Variants in ARHGAP26 observed in about 807,000 individuals in gnomAD.
ARHGAP26 encodes the protein Rho GTPase activating protein 26.
In ARHGAP26, 38 loss-of-function variants were observed where a neutral mutation model predicts 104.8. The ratio of observed to expected loss-of-function variants is 0.36; its 90% CI spans 0.28 to 0.48. The LOEUF is 0.48. Among genes scored for constraint, ARHGAP26 ranks in the 20% least tolerant of loss-of-function variants. ARHGAP26 has a pLI of 0.99. For synonymous variants in ARHGAP26, 341 were observed against 340.0 expected, an observed-to-expected ratio of 1.00 and a Z score of -0.03; for missense variants, 704 against 947.9, an observed-to-expected ratio of 0.74 and a Z score of 3.38.
intron 20 of ARHGAP26, among the ~76,000 whole-genome samples, chr5:143,186,857 C>T (rs888924845): frequency 1.3e-5 from 2 of 152,164 alleles, no homozygotes; most frequent in African/African-American, 2.4e-5. Context: ...CTTTTTCTCT[C>T]TTTCCATTTG....
At chr5:143,130,567 G>A (rs1797210304) in intron 18 of ARHGAP26, among the ~76,000 whole-genome samples, 1 of 152,172 alleles carries the variant, frequency 6.6e-6, no homozygotes, top group Non-Finnish European at 1.5e-5. Flanking sequence ...TTTGCACAGT[G>A]ATTCTTCTCT....
chr5:143,053,252 A>G (rs114607566), intron 14 of ARHGAP26, among the ~76,000 whole-genome samples: 6 of 152,162 alleles, frequency 3.9e-5, no homozygotes, highest in African/African-American at 1.4e-4. Context: ...CTGAGTCCAG[A>G]GAGTTGATAT....
In ARHGAP26 at chr5:142,828,047, G is replaced by A. The variant is rs554982304; in HGVS notation, c.155-45353G>A. Among the ~76,000 whole-genome samples the A allele has an allele frequency of 5.6e-4, 85 of 152,238 alleles. 2 individuals are homozygous for A. The highest frequency in any genetic ancestry group is 1.8e-3 in the African/African-American group (75 of 41,520). On this transcript the variant is annotated intron_variant, in intron 1 of 22. Transcript: ENST00000645722. The stretch of plus-strand genomic sequence containing the variant: ...GATGGTTCATTCTGGGAATAGTTAC[G>A]CACGCTATTCAGAGGGAATGGATGC...
intron 1 of ARHGAP26, among the ~76,000 whole-genome samples, chr5:142,850,535 T>C (rs531508060): frequency 3.9e-5 from 6 of 152,258 alleles, no homozygotes; most frequent in Non-Finnish European, 8.8e-5. Context: ...TATACTTGCA[T>C]ACAAACTTTC....
intron 11 of ARHGAP26, among the ~76,000 whole-genome samples, chr5:142,948,288 GTCTC>G (rs1038976301): frequency 6.6e-6 from 1 of 152,032 alleles, no homozygotes; most frequent in Non-Finnish European, 1.5e-5. Flanking sequence ...TTGTAACACT[GTCTC>G]TAGCACCAGC....
intron 20 of ARHGAP26, among the ~76,000 whole-genome samples, chr5:143,184,559 T>G (rs1367171281): frequency 6.6e-6 from 1 of 152,162 alleles, no homozygotes; most frequent in Admixed American, 6.5e-5. Flanking sequence ...TGCTGACTGA[T>G]GGACTGGGGG....
intron 5 of ARHGAP26, among the ~76,000 whole-genome samples, chr5:142,887,590 T>C (rs1757901436): frequency 1.3e-5 from 2 of 152,218 alleles, no homozygotes; most frequent in Non-Finnish European, 2.9e-5. Flanking sequence ...TATAGTCCTT[T>C]ATGTTCTTGC....
intron 11 of ARHGAP26, among the ~76,000 whole-genome samples, chr5:142,978,279 C>A (rs1242524896): frequency 6.6e-6 from 1 of 152,182 alleles, no homozygotes; most frequent in Non-Finnish European, 1.5e-5. Context: ...GGCCTAAATT[C>A]ATTCTCCACT....
intron 17 of ARHGAP26, among the ~76,000 whole-genome samples, chr5:143,119,920 CAGTG>C (rs932455590): frequency 1.3e-5 from 2 of 150,550 alleles, no homozygotes; most frequent in Admixed American, 1.3e-4. Context: ...ACCAGAGAAA[CAGTG>C]AGAAACACTG....
At chr5:143,197,536 G>T (rs1344211596) in intron 20 of ARHGAP26, among the ~76,000 whole-genome samples, 6 of 152,114 alleles carry the variant, frequency 3.9e-5, no homozygotes, top group African/African-American at 1.4e-4. Flanking sequence ...TCCCTATTCA[G>T]GTTTCTTGCC....
At chr5:143,175,211 A>G (rs778997635) in intron 20 of ARHGAP26, among the ~76,000 whole-genome samples, 1 of 152,206 alleles carries the variant, frequency 6.6e-6, no homozygotes, top group Non-Finnish European at 1.5e-5. Flanking sequence ...ACCAGTAAAA[A>G]TTCAGAAATC....
rs184567887 is a variant in ARHGAP26 at position 142,937,644 on chromosome 5, A to G, written c.1107+5519A>G. Among the ~76,000 whole-genome samples the G allele has an allele frequency of 1.4e-3, 220 of 152,328 alleles. 1 individual carries two copies. Among genetic ancestry groups the G allele is most frequent in the Middle Eastern group, 3.4e-3 (1 of 294 alleles). ...AATAGCTTGAAACTGGAAGTACTACAGATGTCCTTTAATGGGTGAATGGTT... is the reference window on the plus strand; with the variant it reads ...AATAGCTTGAAACTGGAAGTACTACGGATGTCCTTTAATGGGTGAATGGTT... On this transcript the variant is annotated intron_variant, in intron 11 of 22. Transcript: ENST00000645722.
At chr5:143,182,044 A>G (rs1319896096) in intron 20 of ARHGAP26, among the ~76,000 whole-genome samples, 9 of 152,198 alleles carry the variant, frequency 5.9e-5, no homozygotes. Flanking sequence ...AGGCCTTAGC[A>G]GCACCTGCTC....
chr5:143,037,922 T>C (rs953580598), intron 13 of ARHGAP26, among the ~76,000 whole-genome samples: 3 of 152,202 alleles, frequency 2.0e-5, no homozygotes, highest in African/African-American at 7.2e-5. Flanking sequence ...GTCAGGCCCA[T>C]GTTCACACTG....
chr5:143,064,496 T>C (rs1287968623), intron 17 of ARHGAP26, among the ~76,000 whole-genome samples: 4 of 149,888 alleles, frequency 2.7e-5, no homozygotes, highest in Non-Finnish European at 5.9e-5. Flanking sequence ...TATTTATGGG[T>C]ATGGGGCAGG....
intron 1 of ARHGAP26, among the ~76,000 whole-genome samples, chr5:142,792,476 T>G (rs762306152): frequency 2.0e-5 from 3 of 152,206 alleles, no homozygotes; most frequent in Non-Finnish European, 4.4e-5. Flanking sequence ...CTCTTCTCTA[T>G]TTTTGCTCAC....
intron 1 of ARHGAP26, among the ~76,000 whole-genome samples, chr5:142,827,959 T>C (rs1773407897): frequency 6.6e-6 from 1 of 152,234 alleles, no homozygotes; most frequent in South Asian, 2.1e-4. Context: ...TTTTCAGCAC[T>C]TCTTCCTGGT....
At chr5:143,123,756 T>C (rs1319066781) in intron 18 of ARHGAP26, among the ~76,000 whole-genome samples, 1 of 152,162 alleles carries the variant, frequency 6.6e-6, no homozygotes, top group East Asian at 1.9e-4. Flanking sequence ...TATGGGAGGC[T>C]GAGGTGGGAG....
rs1382811985 is a variant in ARHGAP26 at position 143,225,422 on chromosome 5, C to T, written c.*2976C>T. ...CAGGCTGATCTCGAACTCCTGACCT[C>T]AAGTGATCTGCCCACTTCAGACCCC... On this transcript the variant is annotated 3_prime_UTR_variant, in exon 23 of 23. Transcript: ENST00000645722. 7 of 191,422 alleles carry T rather than the reference C, an allele frequency of 3.7e-5. No individual in the cohort carries two copies. In the East Asian group the frequency reaches 5.8e-4, roughly 16 times the overall value. The allele number at this position is 191,422 out of a possible 1,614,324, so 11.9% of individuals were successfully genotyped here.
Sources: allele counts gnomAD v4.1 joint callset (sites outside exome capture counted in the v4.1 genomes callset), GRCh38; gene constraint gnomAD v4.1.1; transcripts MANE v1.5; gene names NCBI Gene and HGNC (gene_info 2026-07-23, HGNC 2026-07-21).